The following TRPM3 variants were observed in gnomAD, a reference collection of about 807,000 sequenced individuals.
The protein encoded by TRPM3 is transient receptor potential cation channel subfamily M member 3.
A neutral mutation model predicts 181.2 loss-of-function variants in TRPM3; 77 were observed. The ratio of observed to expected loss-of-function variants is 0.42; its 90% confidence interval spans 0.35 to 0.51. The LOEUF (loss-of-function observed/expected upper bound fraction) is 0.51. Ranked by LOEUF, TRPM3 falls within the 20% of genes least tolerant of loss-of-function variation. TRPM3 has a pLI of 0.01. For missense variants in TRPM3, 1,759 were observed against 2,196.7 expected (o/e 0.80, Z 3.98); for synonymous variants, 745 against 796.4 (o/e 0.94, Z 1.09).
intron 8 of TRPM3, among the ~76,000 whole-genome samples, chr9:70,701,112 G>A (rs990477454): frequency 6.6e-6 from 1 of 152,170 alleles, no homozygotes; most frequent in African/African-American, 2.4e-5. Flanking sequence ...TTCTAGTCAA[G>A]TATGGGTTAT....
intron 1 of TRPM3, among the ~76,000 whole-genome samples, chr9:71,410,724 T>G (rs1431802350): frequency 6.6e-6 from 1 of 152,040 alleles, no homozygotes; most frequent in Non-Finnish European, 1.5e-5. Flanking sequence ...TTCCAATCAA[T>G]AGAAAAAGAG....
chr9:71,075,969 C>A (rs1211911354), intron 1 of TRPM3, among the ~76,000 whole-genome samples: 5 of 152,096 alleles, frequency 3.3e-5, no homozygotes. Flanking sequence ...AACTTTAGTC[C>A]CAATCCTTGA....
At chr9:71,234,463 T>C (rs1180771127) in intron 1 of TRPM3, among the ~76,000 whole-genome samples, 1 of 152,140 alleles carries the variant, frequency 6.6e-6, no homozygotes, top group East Asian at 1.9e-4. Flanking sequence ...CTACCACAGA[T>C]TGGATGACTG....
chr9:70,772,434 C>A (rs2080489840), intron 7 of TRPM3, among the ~76,000 whole-genome samples: 1 of 151,962 alleles, frequency 6.6e-6, no homozygotes, highest in South Asian at 2.1e-4. Context: ...CCTCCCACCT[C>A]AGCCTCCCAA....
chr9:71,181,812 C>T (rs1204885399), intron 1 of TRPM3, among the ~76,000 whole-genome samples: 1 of 152,126 alleles, frequency 6.6e-6, no homozygotes, highest in African/African-American at 2.4e-5. Context: ...CATAACTTTT[C>T]CTCAAATGTG....
intron 1 of TRPM3, among the ~76,000 whole-genome samples, chr9:71,170,049 A>C (rs2134790458): frequency 6.6e-6 from 1 of 150,740 alleles, no homozygotes; most frequent in East Asian, 2.0e-4. Context: ...TTACTGCTTA[A>C]TTTCTAATTT....
At chr9:71,273,766 G>A (rs751864108) in intron 1 of TRPM3, among the ~76,000 whole-genome samples, 5 of 152,066 alleles carry the variant, frequency 3.3e-5, no homozygotes, top group Non-Finnish European at 5.9e-5. Context: ...TGCTCCTGGG[G>A]CAAAGTCCAG....
chr9:71,375,174 CAT>C (rs1284993008), intron 1 of TRPM3, among the ~76,000 whole-genome samples: 1 of 152,096 alleles, frequency 6.6e-6, no homozygotes, highest in African/African-American at 2.4e-5. Context: ...TACAAGGACA[CAT>C]AGACCATTGG....
intron 1 of TRPM3, among the ~76,000 whole-genome samples, chr9:71,198,335 G>T (rs1444503098): frequency 2.6e-5 from 4 of 151,738 alleles, no homozygotes; most frequent in East Asian, 3.9e-4. Flanking sequence ...TTTTGGCTTA[G>T]GAATGACTTG....
intron 9 of TRPM3, among the ~76,000 whole-genome samples, chr9:70,665,949 C>A (rs758286363): frequency 1.4e-4 from 22 of 152,294 alleles, no homozygotes; most frequent in Non-Finnish European, 2.5e-4. Context: ...GTTATACATG[C>A]ACAGAGTTGA....
At chr9:70,544,431 A>C (rs1201684395) in intron 25 of TRPM3, among the ~76,000 whole-genome samples, 2 of 152,178 alleles carry the variant, frequency 1.3e-5, no homozygotes, top group Admixed American at 6.6e-5. Flanking sequence ...TGTGATGTAC[A>C]TTGTGGTTTT....
chr9:70,596,175 T>C (rs954889555), intron 21 of TRPM3, among the ~76,000 whole-genome samples: 3 of 152,192 alleles, frequency 2.0e-5, no homozygotes, highest in Non-Finnish European at 4.4e-5. Flanking sequence ...CCCTATAAGA[T>C]ATGCATTTAT....
intron 1 of TRPM3, among the ~76,000 whole-genome samples, chr9:70,886,099 C>T (rs2096077307): frequency 6.6e-6 from 1 of 152,114 alleles, no homozygotes; most frequent in African/African-American, 2.4e-5. Flanking sequence ...TAGAAAACTG[C>T]ATTTGCATTG....
At chr9:71,445,384 G>A (rs1423527479) in intron 1 of TRPM3, among the ~76,000 whole-genome samples, 1 of 151,864 alleles carries the variant, frequency 6.6e-6, no homozygotes, top group Non-Finnish European at 1.5e-5. Context: ...AAATATTTTC[G>A]AGTACACATT....
intron 1 of TRPM3, among the ~76,000 whole-genome samples, chr9:71,241,670 C>A (rs755596374): frequency 6.6e-6 from 1 of 152,090 alleles, no homozygotes; most frequent in African/African-American, 2.4e-5. Flanking sequence ...CTGAAATCTG[C>A]AACCATGTAA....
exon 1 of TRPM3, chr9:71,446,813 G>A (rs990084388): frequency 7.1e-6 from 11 of 1,548,072 alleles, no homozygotes; most frequent in African/African-American, 1.4e-5. Flanking sequence ...CATTTCCGCC[G>A]CATCCCTCCA....
intron 1 of TRPM3, among the ~76,000 whole-genome samples, chr9:70,946,424 T>C (rs2096933092): frequency 7.1e-6 from 1 of 140,384 alleles, no homozygotes; most frequent in Non-Finnish European, 1.5e-5. Flanking sequence ...TTTCCTCCTC[T>C]GTTAAATGGT....
At chr9:70,540,657 GC>G (rs2043077877) in intron 25 of TRPM3, among the ~76,000 whole-genome samples, 1 of 152,250 alleles carries the variant, frequency 6.6e-6, no homozygotes, top group Non-Finnish European at 1.5e-5. Context: ...CTATGACTGT[GC>G]CCCAGCACTA....
chr9:70,666,711 A>C (rs2061897490), intron 9 of TRPM3, among the ~76,000 whole-genome samples: 1 of 152,024 alleles, frequency 6.6e-6, no homozygotes, highest in Admixed American at 6.6e-5. Context: ...GTGTTCCTCT[A>C]TATTATGATA....
Sources: gnomAD v4.1 joint callset for allele counts (sites outside exome capture counted in the v4.1 genomes callset) on GRCh38, gnomAD v4.1.1 for gene constraint, MANE v1.5 for transcripts, NCBI Gene and HGNC (gene_info 2026-07-23, HGNC 2026-07-21) for gene names.